The following DHRS1 variants were observed in gnomAD, a reference collection of about 807,000 sequenced individuals.
The protein encoded by DHRS1 is dehydrogenase/reductase 1.
Under a neutral mutation model 35.2 loss-of-function variants are expected in DHRS1, and 34 were observed. That is an observed-to-expected ratio of 0.97 (90% CI 0.74 to 1.29). DHRS1 has a LOEUF of 1.29. Among genes scored for constraint, DHRS1 ranks in the 50% most tolerant of loss-of-function variants. The pLI, the probability that DHRS1 is intolerant of heterozygous loss-of-function variation, is 0.00. For missense variants in DHRS1, 354 were observed against 403.6 expected (o/e 0.88, Z 1.05); for synonymous variants, 133 against 160.0 (o/e 0.83, Z 1.27).
At chr14:24,292,922 G>T (rs2041188918) in intron 4 of DHRS1, 138 bp from the exon 5 acceptor site, 1 of 1,088,232 alleles carries the variant, frequency 9.2e-7, no homozygotes, top group Non-Finnish European at 1.2e-6. Context: ...GCGACCTGAG[G>T]AATTAGGGGC....
Position 24,290,815 on chromosome 14 carries a change from C to A in DHRS1, c.*44G>T. 1 of 1,611,232 alleles carries A rather than the reference C, an allele frequency of 6.2e-7. No individual in the cohort carries two copies. ...ACTGAGACAGGACGAACCACCAAGTCCAAATGAGAAGACAAGCAGAGACGT... is the reference window on the plus strand; with the variant it reads ...ACTGAGACAGGACGAACCACCAAGTACAAATGAGAAGACAAGCAGAGACGT... On this transcript the variant is annotated 3_prime_UTR_variant, in exon 9 of 9. Coordinates refer to ENST00000288111, the MANE Select transcript of DHRS1 (RefSeq NM_001136050.3).
In DHRS1 at chr14:24,299,729, G is replaced by T; in HGVS notation, c.-173C>A. The T allele has an allele frequency of 1.9e-6, 1 of 517,274 alleles. No individual in the cohort carries two copies. Among genetic ancestry groups the T allele is most frequent in the Non-Finnish European group, 3.4e-6 (1 of 294,766 alleles). The allele number at this position is 517,274 out of a possible 1,614,324, so 32.0% of individuals were successfully genotyped here. On this transcript the variant is annotated 5_prime_UTR_variant, in exon 1 of 9. Transcript: ENST00000288111. ...GGGGCGATTCTGTGCTGAGGTAGAG[G>T]GGCAGAGTCCCAGGCCAAAGTTAGA... is the stretch of plus-strand genomic sequence containing the variant.
intron 2 of DHRS1, chr14:24,298,679 C>T (rs1261410526): frequency 6.0e-6 from 2 of 336,046 alleles, no homozygotes; most frequent in Non-Finnish European, 1.1e-5. Context: ...TAGGCTCAAG[C>T]GATCCTCCTG....
intron 2 of DHRS1, chr14:24,298,748 AC>A (rs1369875228): frequency 4.9e-6 from 3 of 618,042 alleles, no homozygotes; most frequent in African/African-American, 3.7e-5. Flanking sequence ...CCTGGCTCAA[AC>A]ACAAAGTTTT....
chr14:24,299,429 G>A (rs920974105), intron 1 of DHRS1, 152 bp downstream of exon 1: 4 of 272,066 alleles, frequency 1.5e-5, no homozygotes, highest in African/African-American at 8.8e-5. Context: ...GCAGCCCCTC[G>A]GGGCGCGTCC....
At chr14:24,291,941 CT>C (rs2041164649) in intron 6 of DHRS1, 1 of 613,362 alleles carries the variant, frequency 1.6e-6, no homozygotes. Context: ...GCTAGACAGC[CT>C]TTCCACTTAG....
Position 24,291,626 on chromosome 14 carries a change from C to G in DHRS1, c.655-1G>C, listed in dbSNP as rs776589132. 3 of 1,614,158 alleles carry G rather than the reference C, an allele frequency of 1.9e-6. No homozygotes were observed. The highest frequency in any genetic ancestry group is 2.2e-5 in the South Asian group (2 of 91,088). On this transcript the variant is annotated splice_acceptor_variant, in intron 6 of 8. Coordinates refer to ENST00000288111, the MANE Select transcript of DHRS1 (RefSeq NM_001136050.3). LOFTEE classifies it high-confidence loss of function. The stretch of plus-strand genomic sequence containing the variant: ...CCGCAGATGAGAAGGCTGATTTGAA[C>G]TGAAACACAGGGGCAGAGAAGTGAA...
chr14:24,292,818 C>T (rs201353140), intron 4 of DHRS1, 34 bp from the exon 5 acceptor site: 7 of 1,593,462 alleles, frequency 4.4e-6, no homozygotes, highest in East Asian at 2.2e-5. Context: ...AGGAATGAAC[C>T]GTGTTAGTGC....
chr14:24,291,142 C>T lies in DHRS1; in HGVS notation c.802G>A (p.Asp268Asn). Reference sequence around the variant, plus strand: ...ACTGCTGTGCCAGGGTCCTCACCGTCCACATCCCGAAGGCCATAGCGTCGA... The same window carrying T: ...ACTGCTGTGCCAGGGTCCTCACCGTTCACATCCCGAAGGCCATAGCGTCGA... ...LARRYGLRDVDGRPVQDYLSL... is the reference protein window; with the variant it reads ...LARRYGLRDVNGRPVQDYLSL... The change falls in exon 8 of 9, where the codon GAC (aspartate) becomes AAC (asparagine). Residue 268 changes from aspartate (D) to asparagine (N), a missense_variant. By Grantham distance (23) the Asp-to-Asn change is conservative. Transcript: ENST00000288111. The T allele has an allele frequency of 6.2e-7, 1 of 1,614,110 alleles. No homozygotes were observed.
chr14:24,296,974 GAC>G (rs2041260492), intron 2 of DHRS1, 93 bp from the exon 3 acceptor site: 1 of 1,557,690 alleles, frequency 6.4e-7, no homozygotes, highest in Non-Finnish European at 8.8e-7. Context: ...GAACTGAGAA[GAC>G]AATCAATCCT....
At chr14:24,291,300 C>T in intron 7 of DHRS1, 81 bp from the exon 8 acceptor site, 1 of 1,413,464 alleles carries the variant, frequency 7.1e-7, no homozygotes, top group Non-Finnish European at 1.0e-6. Context: ...GGACAGGGCA[C>T]TGCTGAGAGC....
At position 24,292,936 on chromosome 14, in the gene DHRS1, A is replaced by C; in HGVS notation, c.375-152T>G. 3.3e-6 allele frequency: 3 copies of C among 911,204 alleles called. No individual in the cohort carries two copies. The South Asian group carries it at 6.3e-5, about 19-fold the overall frequency. The allele number at this position is 911,204 out of a possible 1,614,324, so 56.4% of individuals were successfully genotyped here. On this transcript the variant is annotated intron_variant, in intron 4 of 8. Coordinates refer to ENST00000288111, the MANE Select transcript of DHRS1 (RefSeq NM_001136050.3). Reference sequence around the variant, plus strand: ...AGCGACCTGAGGAATTAGGGGCTTGAGGCCATATTCTGAGAGGAAAACTGG... The same window carrying C: ...AGCGACCTGAGGAATTAGGGGCTTGCGGCCATATTCTGAGAGGAAAACTGG...
chr14:24,296,667 T>TG (rs1594609528), intron 3 of DHRS1, 71 bp downstream of exon 3: 2 of 1,611,444 alleles, frequency 1.2e-6, no homozygotes, highest in Non-Finnish European at 1.7e-6. Context: ...GGACAATGAG[T>TG]GGGGATGAAG....
intron 6 of DHRS1, 81 bp downstream of exon 6, chr14:24,292,103 G>C (rs1438518117): frequency 6.4e-7 from 1 of 1,553,976 alleles, no homozygotes; most frequent in African/African-American, 1.4e-5. Flanking sequence ...CACCTGGTGA[G>C]TGGGAGTATC....
intron 4 of DHRS1, among the ~76,000 whole-genome samples, chr14:24,295,305 T>G (rs2041231239): frequency 6.6e-6 from 1 of 152,186 alleles, no homozygotes; most frequent in Non-Finnish European, 1.5e-5. Flanking sequence ...GTCTTCAGAT[T>G]TTTTCCATAT....
Position 24,290,760 on chromosome 14 carries a change from G to T in DHRS1, c.*99C>A, listed in dbSNP as rs1433007490. 9.4e-6 allele frequency: 14 copies of T among 1,486,176 alleles called. No homozygotes were observed. Among genetic ancestry groups the T allele is most frequent in the Non-Finnish European group, 1.3e-5 (14 of 1,076,390 alleles). 92.1% of individuals were successfully genotyped at this position (1,486,176 alleles called of 1,614,324 possible). A position where few individuals can be genotyped will look rare whatever the true frequency, so the allele number is the denominator to read the frequency against. ...CAGAGGGCTTCTCTTCATATCAAGG[G>T]TATGGGTAAACAAGAAAGGCTGCTG... On this transcript the variant is annotated 3_prime_UTR_variant, in exon 9 of 9. Transcript: ENST00000288111.
intron 8 of DHRS1, 22 bp from the exon 9 acceptor site, chr14:24,291,017 G>C: frequency 6.2e-7 from 1 of 1,613,910 alleles, no homozygotes; most frequent in South Asian, 1.1e-5. Flanking sequence ...AGGAGGAGGA[G>C]GATTAGATTC....
At chr14:24,297,062 T>C (rs1417193221) in intron 2 of DHRS1, among the ~76,000 whole-genome samples, 181 bp from the exon 3 acceptor site, 3 of 152,234 alleles carry the variant, frequency 2.0e-5, no homozygotes, top group African/African-American at 2.4e-5. Flanking sequence ...TCAGGAATGA[T>C]AGGCCTCCCC....
chr14:24,290,677 A>G lies in DHRS1; in HGVS notation c.*182T>C. 1 of 642,188 alleles carries G rather than the reference A, an allele frequency of 1.6e-6. No individual in the cohort carries two copies. Among genetic ancestry groups the G allele is most frequent in the East Asian group, 2.8e-5 (1 of 36,302 alleles). The allele number at this position is 642,188 out of a possible 1,614,324, so 39.8% of individuals were successfully genotyped here. A position where few individuals can be genotyped will look rare whatever the true frequency, so the allele number is the denominator to read the frequency against. On this transcript the variant is annotated 3_prime_UTR_variant, in exon 9 of 9. Coordinates refer to ENST00000288111, the MANE Select transcript of DHRS1 (RefSeq NM_001136050.3). ...CAAAAAGTAAAAAGAAGGACAAGGA[A>G]AACCAAGGCACAAAGAAGGGACCTA...
Sources: allele counts gnomAD v4.1 joint callset (sites outside exome capture counted in the v4.1 genomes callset), GRCh38; gene constraint gnomAD v4.1.1; transcripts MANE v1.5; gene names NCBI Gene and HGNC (gene_info 2026-07-23, HGNC 2026-07-21).